GHR: variants seen among roughly 807,000 people sequenced by gnomAD.
GHR encodes the protein GH receptor.
GHR carries 35 observed loss-of-function variants against 67.1 expected under a neutral mutation model. The ratio of observed to expected loss-of-function variants is 0.52; its 90% CI spans 0.40 to 0.69. The LOEUF (loss-of-function observed/expected upper bound fraction) is 0.69, where lower values mean the gene tolerates loss of function less well. Among genes scored for constraint, GHR ranks in the 30% least tolerant of loss-of-function variants. The pLI, the probability that GHR is intolerant of heterozygous loss-of-function variation, is 0.00. For missense variants in GHR, 792 were observed against 764.6 expected, an observed-to-expected ratio of 1.04 and a Z score of -0.42; for synonymous variants, 272 against 269.1, an observed-to-expected ratio of 1.01 and a Z score of -0.10.
At chr5:42,572,279 C>T (rs558925101) in intron 2 of GHR, among the ~76,000 whole-genome samples, 16 of 152,252 alleles carry the variant, frequency 1.1e-4, no homozygotes, top group African/African-American at 3.9e-4. Flanking sequence ...GTGCACCTAG[C>T]TTGTCATCAG....
chr5:42,672,051 G>T (rs1756342380), intron 3 of GHR, among the ~76,000 whole-genome samples: 1 of 151,636 alleles, frequency 6.6e-6, no homozygotes, highest in Non-Finnish European at 1.5e-5. Flanking sequence ...AATAATAAAT[G>T]GGCAAAAACT....
At chr5:42,468,674 T>TGCC in intron 1 of GHR, 1 of 1,009,426 alleles carries the variant, frequency 9.9e-7, no homozygotes, top group Non-Finnish European at 1.6e-6. Flanking sequence ...GCTATTTGCC[T>TGCC]GCCGCCTTGG....
At chr5:42,600,688 C>T (rs1026502624) in intron 2 of GHR, among the ~76,000 whole-genome samples, 1 of 152,150 alleles carries the variant, frequency 6.6e-6, no homozygotes, top group Non-Finnish European at 1.5e-5. Context: ...CCTTTAGCCC[C>T]TAGGGTATGA....
intron 3 of GHR, among the ~76,000 whole-genome samples, chr5:42,643,003 C>A (rs1056602363): frequency 6.6e-6 from 1 of 152,176 alleles, no homozygotes; most frequent in Non-Finnish European, 1.5e-5. Context: ...TATCCTAATG[C>A]ACAAGGAGCT....
chr5:42,589,077 A>G (rs959435805), intron 2 of GHR, among the ~76,000 whole-genome samples: 4 of 152,224 alleles, frequency 2.6e-5, no homozygotes, highest in African/African-American at 9.6e-5. Context: ...TAGTGAAGCC[A>G]TGTTGACTCC....
chr5:42,479,418 T>A (rs1169307723), intron 1 of GHR, among the ~76,000 whole-genome samples: 1 of 152,188 alleles, frequency 6.6e-6, no homozygotes, highest in African/African-American at 2.4e-5. Context: ...TTAGGGAGGA[T>A]TCCCTCTTTT....
At chr5:42,465,987 CAA>C in intron 1 of GHR, 1 of 636,960 alleles carries the variant, frequency 1.6e-6, no homozygotes. Flanking sequence ...GGTCTTCTTC[CAA>C]CTTGTCTTAT....
intron 2 of GHR, among the ~76,000 whole-genome samples, chr5:42,606,674 T>C (rs1401052075): frequency 6.6e-6 from 1 of 152,150 alleles, no homozygotes; most frequent in African/African-American, 2.4e-5. Context: ...GGATCAAATT[T>C]CAACATGAAG....
intron 1 of GHR, among the ~76,000 whole-genome samples, chr5:42,532,263 T>G (rs1006830600): frequency 2.0e-5 from 3 of 152,272 alleles, no homozygotes; most frequent in Non-Finnish European, 2.9e-5. Flanking sequence ...CATCAGAACT[T>G]CTGTTTATTT....
At chr5:42,486,380 C>T (rs1411288317) in intron 1 of GHR, among the ~76,000 whole-genome samples, 1 of 152,202 alleles carries the variant, frequency 6.6e-6, no homozygotes, top group Non-Finnish European at 1.5e-5. Flanking sequence ...TTTTTATTCT[C>T]TACTGCTTTA....
intron 1 of GHR, among the ~76,000 whole-genome samples, chr5:42,463,722 G>C (rs904462789): frequency 1.3e-5 from 2 of 152,038 alleles, no homozygotes; most frequent in African/African-American, 2.4e-5. Flanking sequence ...GGCCGGGCGC[G>C]GTGGCTCACG....
intron 1 of GHR, among the ~76,000 whole-genome samples, chr5:42,560,795 T>A (rs1749562981): frequency 6.6e-6 from 1 of 152,178 alleles, no homozygotes; most frequent in Non-Finnish European, 1.5e-5. Context: ...ACTAGCACTA[T>A]CTCTCATCCA....
chr5:42,449,521 T>A (rs1305530420), intron 1 of GHR, among the ~76,000 whole-genome samples: 7 of 152,222 alleles, frequency 4.6e-5, no homozygotes, highest in African/African-American at 1.7e-4. Context: ...ATTTATCAGA[T>A]CTAGGAGCTT....
At position 42,582,832 on chromosome 5, in the gene GHR, G is replaced by A. The variant is rs1277705336; in HGVS notation, c.70+16888G>A. ...TTTGCGTACATCAGATGCAGCCGCA[G>A]GCTTGCATGGAGCTGGTGCCTGTGC... On this transcript the variant is annotated intron_variant, in intron 2 of 9. Transcript: ENST00000230882. Among the ~76,000 whole-genome samples the A allele has an allele frequency of 2.0e-5, 3 of 152,256 alleles. No homozygotes were observed. In the East Asian group the frequency reaches 5.8e-4, roughly 29 times the overall value.
chr5:42,621,839 G>T (rs1379662739), intron 2 of GHR, among the ~76,000 whole-genome samples: 2 of 152,120 alleles, frequency 1.3e-5, no homozygotes, highest in African/African-American at 4.8e-5. Context: ...AAGTAGAGAA[G>T]AAATACACTC....
intron 2 of GHR, among the ~76,000 whole-genome samples, chr5:42,582,692 G>A (rs552985526): frequency 6.6e-6 from 1 of 152,354 alleles, no homozygotes; most frequent in South Asian, 2.1e-4. Context: ...GCCCTTTGGG[G>A]AGCCCAGACC....
At chr5:42,591,080 G>A (rs1203328149) in intron 2 of GHR, among the ~76,000 whole-genome samples, 2 of 152,212 alleles carry the variant, frequency 1.3e-5, no homozygotes, top group African/African-American at 4.8e-5. Context: ...AAAAACACTT[G>A]AGCTGAATCG....
chr5:42,470,203 A>G (rs978146525), intron 1 of GHR, among the ~76,000 whole-genome samples: 1 of 147,788 alleles, frequency 6.8e-6, no homozygotes, highest in African/African-American at 2.5e-5. Flanking sequence ...TATTATATCT[A>G]TAACATAATA....
intron 1 of GHR, among the ~76,000 whole-genome samples, chr5:42,531,637 T>A (rs762760620): frequency 1.3e-5 from 2 of 152,168 alleles, no homozygotes; most frequent in Non-Finnish European, 2.9e-5. Context: ...GGTTCCACCT[T>A]TTGCTGCCTT....
Sources: allele counts gnomAD v4.1 joint callset (sites outside exome capture counted in the v4.1 genomes callset), GRCh38; gene constraint gnomAD v4.1.1; transcripts MANE v1.5; gene names NCBI Gene and HGNC (gene_info 2026-07-23, HGNC 2026-07-21).